Variants in ACE observed in about 807,000 individuals in gnomAD.
ACE encodes angiotensin-converting enzyme.
ACE carries 122 observed loss-of-function variants against 162.3 expected under a neutral mutation model. The ratio of observed to expected loss-of-function variants is 0.75; its 90% CI spans 0.65 to 0.87. The LOEUF (loss-of-function observed/expected upper bound fraction) is 0.87. Among genes scored for constraint, ACE ranks in the 40% least tolerant of loss-of-function variants. The probability of loss-of-function intolerance (pLI) is 0.00; values close to 1 mark genes in which losing one functional copy is unlikely to be tolerated. For missense variants in ACE, 1,799 were observed against 1,735.1 expected, an observed-to-expected ratio of 1.04 and a Z score of -0.65; for synonymous variants, 796 against 720.6, an observed-to-expected ratio of 1.10 and a Z score of -1.68.
rs771711347 is a variant in ACE at position 63,484,902 on chromosome 17, GCCTCCTCTTCCT to G, written c.1922-333_1922-322del. The G allele has an allele frequency of 1.9e-6, 3 of 1,592,620 alleles. No individual in the cohort carries two copies. In the South Asian group the frequency reaches 3.4e-5, roughly 18 times the overall value. ...GGTTGGGCTACTGCAGGACTTCCCAGCCTCCTCTTCCTGCTGCTCTGCTACGGGCACCCTCTG... is the reference window on the plus strand; with the variant it reads ...GGTTGGGCTACTGCAGGACTTCCCAGGCTGCTCTGCTACGGGCACCCTCTG... On this transcript the variant is annotated intron_variant, in intron 12 of 24. Transcript: ENST00000290866. This position sits in a 1 kb window ranked among gnomAD's most constrained non-coding sequence, Gnocchi z 4.0.
chr17:63,493,713 G>C, intron 20 of ACE, 54 bp downstream of exon 20: 2 of 1,594,578 alleles, frequency 1.3e-6, no homozygotes, highest in East Asian at 2.3e-5. Flanking sequence ...AGGGTGGTGA[G>C]CTTGGGAGGT....
rs747542111 is a variant in ACE, at chr17:63,485,318, C to T, written c.2004C>T (p.Ala668=). 38 of 1,613,786 alleles carry T rather than the reference C, an allele frequency of 2.4e-5. No individual in the cohort carries two copies. The highest frequency in any genetic ancestry group is 2.9e-5 in the Non-Finnish European group (34 of 1,179,990). The change falls in exon 13 of 25, where the codon GCC becomes GCT. Residue 668 remains alanine, a synonymous_variant. Transcript: ENST00000290866. ...CCCAGGTGGTGTGGAACGAGTATGC[C>T]GAGGCCAACTGGAACTACAACACCA... ...RTSQVVWNEY[A]EANWNYNTNI...
At position 63,489,069 on chromosome 17, in the gene ACE, C is replaced by G. The variant is rs1164595381; in HGVS notation, c.2578C>G (p.Leu860Val). 3.1e-6 allele frequency: 5 copies of G among 1,613,986 alleles called. No homozygotes were observed. The highest frequency in any genetic ancestry group is 4.2e-6 in the Non-Finnish European group (5 of 1,180,046). The change falls in exon 17 of 25, where the codon CTG becomes GTG. Residue 860 changes from leucine to valine, a missense_variant. Transcript: ENST00000290866. ...CCTGCATGCCTACGTGCGCCGGGCC[C>G]TGCACCGTCACTACGGGGCCCAGCA... ...LNLHAYVRRA[L>V]HRHYGAQHIN...
chr17:63,482,384 C>T (rs903765046), intron 7 of ACE, 82 bp from the exon 8 acceptor site: 1 of 1,275,698 alleles, frequency 7.8e-7, no homozygotes, highest in African/African-American at 1.5e-5. Context: ...TCCTGTCTTT[C>T]AGGTGCCAAT....
rs1568047250 is a variant in ACE at position 63,494,382 on chromosome 17, C to T, written c.3292C>T (p.Gln1098Ter). ...QEWWSLRLKY[Q>*]GLCPPVPRTQ... ...ATTCCCACTCGACAGGCTGAAGTAC[C>T]AGGGCCTCTGCCCCCCAGTGCCCAG... The change falls in exon 22 of 25, where the codon CAG becomes TAG. Residue 1098 changes from glutamine (Q) to a stop codon, truncating the protein, a stop_gained. Coordinates refer to ENST00000290866, the MANE Select transcript of ACE (RefSeq NM_000789.4). LOFTEE classifies it high-confidence loss of function. 1 of 1,614,052 alleles carries T rather than the reference C, an allele frequency of 6.2e-7. No individual in the cohort carries two copies. Among genetic ancestry groups the T allele is most frequent in the Non-Finnish European group, 8.5e-7 (1 of 1,179,944 alleles).
rs756407366 is a variant in ACE, at chr17:63,477,967, G to C, written c.286G>C (p.Ala96Pro). 6.2e-7 allele frequency: 1 copy of C among 1,612,286 alleles called. No individual in the cohort carries two copies. The highest frequency in any genetic ancestry group is 1.1e-5 in the South Asian group (1 of 90,728). The stretch of plus-strand genomic sequence containing the variant: ...CCTGCTCAGCCAGGAGTTTGCGGAG[G>C]CCTGGGGCCAGAAGGCCAAGGAGCT... ...AALLSQEFAE[A>P]WGQKAKELYE... Residue 96 changes from alanine to proline, a missense_variant, in exon 2 of 25, where the codon GCC (alanine) becomes CCC (proline). Coordinates refer to ENST00000290866, the MANE Select transcript of ACE (RefSeq NM_000789.4).
Position 63,496,401 on chromosome 17 carries a change from G to A in ACE, c.3388G>A (p.Val1130Ile), listed in dbSNP as rs575830312. ...GGCCTCGCTCTGCTCCAGGTACTTTGTCAGCTTCATCATCCAGTTCCAGTT... is the reference window on the plus strand; with the variant it reads ...GGCCTCGCTCTGCTCCAGGTACTTTATCAGCTTCATCATCCAGTTCCAGTT... ...PSSVPYIRYF[V>I]SFIIQFQFHE... Residue 1130 changes from valine to isoleucine, a missense_variant, in exon 23 of 25, where the codon GTC becomes ATC. Coordinates refer to ENST00000290866, the MANE Select transcript of ACE (RefSeq NM_000789.4). The A allele has an allele frequency of 1.6e-5, 26 of 1,614,186 alleles. No individual in the cohort carries two copies. The South Asian group carries it at 2.3e-4, about 14-fold the overall frequency.
In ACE at chr17:63,492,146, A is replaced by G. The variant is rs894838716; in HGVS notation, c.2912+765A>G. On this transcript the variant is annotated intron_variant, in intron 19 of 24. Transcript: ENST00000290866. ...TGGAACGGCTGGAGGTGGGTCAGGCATCTCTCCAGGCTAGCTCGGGCGCCC... is the reference window on the plus strand; with the variant it reads ...TGGAACGGCTGGAGGTGGGTCAGGCGTCTCTCCAGGCTAGCTCGGGCGCCC... 3.0e-4 allele frequency among the ~76,000 whole-genome samples: 46 copies of G among 152,272 alleles called. No individual in the cohort carries two copies. In the East Asian group the frequency reaches 8.5e-3, roughly 28 times the overall value.
At chr17:63,490,592 T>C (rs1183084358) in intron 17 of ACE, 2 of 333,482 alleles carry the variant, frequency 6.0e-6, no homozygotes, top group African/African-American at 4.3e-5. Context: ...TCACACAATG[T>C]TCTTGGTGCA....
Position 63,485,326 on chromosome 17 carries a change from A to G in ACE, c.2012A>G (p.Asn671Ser), listed in dbSNP as rs538715770. ...GTGTGGAACGAGTATGCCGAGGCCA[A>G]CTGGAACTACAACACCAACATCACC... ...QVVWNEYAEA[N>S]WNYNTNITTE... The change falls in exon 13 of 25, where the codon AAC becomes AGC. Residue 671 changes from asparagine (N) to serine (S), a missense_variant. By Grantham distance (46) the Asn-to-Ser change is conservative (BLOSUM62 1). Coordinates refer to ENST00000290866, the MANE Select transcript of ACE (RefSeq NM_000789.4). The G allele has an allele frequency of 1.4e-5, 22 of 1,613,826 alleles. No individual in the cohort carries two copies. The Middle Eastern group carries it at 6.6e-4, about 48-fold the overall frequency.
rs2049629589 is a variant in ACE, at chr17:63,477,164, C to A, written c.70C>A (p.Pro24Thr). 8.3e-6 allele frequency: 12 copies of A among 1,453,478 alleles called. No homozygotes were observed. The East Asian group carries it at 3.7e-4, about 45-fold the overall frequency. 90.0% of individuals were successfully genotyped at this position (1,453,478 alleles called of 1,614,324 possible). A position where few individuals can be genotyped will look rare whatever the true frequency, so the allele number is the denominator to read the frequency against. The change falls in exon 1 of 25, where the codon CCG (proline) becomes ACG (threonine). Residue 24 changes from proline (P) to threonine (T), a missense_variant. By Grantham distance (38) the Pro-to-Thr change is conservative. Transcript: ENST00000290866. ...GCTGCCGCTGCTGTTGCTGCTGCCG[C>A]CGCAGCCCGCCCTGGCGTTGGACCC... ...LPLPLLLLLP[P>T]QPALALDPGL...
rs191174352 is a variant in ACE at position 63,495,733 on chromosome 17, G to T, written c.3381-661G>T. Among the ~76,000 whole-genome samples the T allele has an allele frequency of 4.6e-5, 7 of 152,326 alleles. No individual in the cohort carries two copies. The South Asian group carries it at 1.2e-3, about 27-fold the overall frequency. ...TGCAGACAATTCTCCAAACAGGGGT[G>T]GGCAAAGGAGACTTGGCTGCTCTAG... On this transcript the variant is annotated intron_variant, in intron 22 of 24. Transcript: ENST00000290866.
chr17:63,486,100 T>C (rs1333733107), intron 13 of ACE, among the ~76,000 whole-genome samples: 1 of 152,230 alleles, frequency 6.6e-6, no homozygotes, highest in Non-Finnish European at 1.5e-5. Flanking sequence ...CCTGCCTATT[T>C]GGCTGAGCAC....
rs1171707610 is a variant in ACE, at chr17:63,496,534, C to T, written c.3503+18C>T. ...CGCCTGGCGTGAGTGTCCTCCAGCCCTCCTTTGTTTCCATGCTCTGGCCTG... is the reference window on the plus strand; with the variant it reads ...CGCCTGGCGTGAGTGTCCTCCAGCCTTCCTTTGTTTCCATGCTCTGGCCTG... On this transcript the variant is annotated intron_variant, in intron 23 of 24. Coordinates refer to ENST00000290866, the MANE Select transcript of ACE (RefSeq NM_000789.4). The T allele has an allele frequency of 6.2e-7, 1 of 1,613,914 alleles. No homozygotes were observed. The highest frequency in any genetic ancestry group is 8.5e-7 in the Non-Finnish European group (1 of 1,180,048).
chr17:63,479,735 G>A (rs551040956), intron 3 of ACE, 34 bp from the exon 4 acceptor site: 1 of 1,611,880 alleles, frequency 6.2e-7, no homozygotes, highest in Non-Finnish European at 8.5e-7. Flanking sequence ...CAACGTGGAG[G>A]CCTCCTCACC....
intron 9 of ACE, 83 bp downstream of exon 9, chr17:63,483,256 G>A: frequency 6.2e-7 from 1 of 1,606,398 alleles, no homozygotes; most frequent in Non-Finnish European, 8.5e-7. Context: ...GCCCCAGCCA[G>A]TTCTAGCCTC....
chr17:63,488,625 C>T lies in ACE; in HGVS notation c.2306-23C>T, dbSNP rs368815941. 2.5e-4 allele frequency: 408 copies of T among 1,612,210 alleles called. 1 individual carries two copies. The highest frequency in any genetic ancestry group is 3.3e-4 in the Non-Finnish European group (394 of 1,179,586). ...CAGAGGTGAGCTAAGGGCTGGAGCT[C>T]AAGGCATTCAAACCCCTACCAGATC... On this transcript the variant is annotated intron_variant, in intron 15 of 24. Coordinates refer to ENST00000290866, the MANE Select transcript of ACE (RefSeq NM_000789.4).
intron 22 of ACE, among the ~76,000 whole-genome samples, chr17:63,494,823 TTTA>T (rs922931478): frequency 1.3e-5 from 2 of 152,202 alleles, no homozygotes; most frequent in Admixed American, 6.5e-5. Flanking sequence ...CTGTGATTCT[TTTA>T]CTATTATTGA....
At chr17:63,493,323 C>A in intron 19 of ACE, 113 bp from the exon 20 acceptor site, 1 of 990,616 alleles carries the variant, frequency 1.0e-6, no homozygotes, top group Non-Finnish European at 1.6e-6. Flanking sequence ...GTGTCCCCTG[C>A]ATGCTGCAGT....
Sources: allele counts gnomAD v4.1 joint callset (sites outside exome capture counted in the v4.1 genomes callset), GRCh38; gene constraint gnomAD v4.1.1; non-coding constraint Gnocchi (gnomAD v3.1); transcripts MANE v1.5; gene names NCBI Gene and HGNC (gene_info 2026-07-23, HGNC 2026-07-21).